LEMD3: variants seen among roughly 807,000 people sequenced by gnomAD.
The protein encoded by LEMD3 is inner nuclear membrane protein Man1.
Under a neutral mutation model 95.2 loss-of-function variants are expected in LEMD3, and 33 were observed. That is an observed-to-expected ratio of 0.35 (90% confidence interval 0.26 to 0.46). LEMD3 has a LOEUF of 0.46. LEMD3 is among the 20% of genes least tolerant of loss of function. LEMD3 has a pLI of 1.00. For missense variants in LEMD3, 1,210 were observed against 1,192.8 expected (o/e 1.01, Z -0.21); for synonymous variants, 525 against 474.6 (o/e 1.11, Z -1.38).
At chr12:65,215,025 GCA>G (rs57757599) in intron 2 of LEMD3, among the ~76,000 whole-genome samples, 254 of 152,254 alleles carry the variant, frequency 1.7e-3, no homozygotes, top group African/African-American at 5.9e-3. Context: ...TATTCCTGAT[GCA>G]CAAGTCTGTT....
chr12:65,211,347 C>A (rs944055674), intron 2 of LEMD3, among the ~76,000 whole-genome samples: 2 of 152,068 alleles, frequency 1.3e-5, no homozygotes, highest in African/African-American at 4.8e-5. Context: ...TCCGTTTTGC[C>A]CTCATTTTAC....
At chr12:65,172,021 A>G (rs928422352) in intron 1 of LEMD3, 7 of 152,190 alleles carry the variant, frequency 4.6e-5, no homozygotes, top group African/African-American at 1.7e-4. Context: ...GTGAGACCTG[A>G]AGCAGAAGGA....
At chr12:65,197,700 G>A (rs183331366) in intron 1 of LEMD3, among the ~76,000 whole-genome samples, 63 of 152,156 alleles carry the variant, frequency 4.1e-4, no homozygotes, top group African/African-American at 1.4e-3. Context: ...GTCAATGACG[G>A]GAACTTCTTT....
At position 65,245,428 on chromosome 12, in the gene LEMD3, C is replaced by T. The variant is rs553505351; in HGVS notation, c.2388-241C>T. 4.1e-4 allele frequency: 187 copies of T among 459,034 alleles called. No homozygotes were observed. The East Asian group carries it at 7.7e-3, about 19-fold the overall frequency. 28.4% of individuals were successfully genotyped at this position (459,034 alleles called of 1,614,324 possible). A position where few individuals can be genotyped will look rare whatever the true frequency, so the allele number is the denominator to read the frequency against. On this transcript the variant is annotated intron_variant, in intron 10 of 12. Transcript: ENST00000308330. Reference sequence around the variant, plus strand: ...TGCTGGGATTACAGGCATGAGCCACCGCGCCTGGCCAGCGCTCTGCACTCT... The same window carrying T: ...TGCTGGGATTACAGGCATGAGCCACTGCGCCTGGCCAGCGCTCTGCACTCT...
chr12:65,173,305 A>G (rs1376087573), intron 1 of LEMD3, among the ~76,000 whole-genome samples: 1 of 152,216 alleles, frequency 6.6e-6, no homozygotes, highest in Non-Finnish European at 1.5e-5. Context: ...TGTTAAGATG[A>G]ATGACTAATG....
chr12:65,189,076 A>G (rs1220372726), intron 1 of LEMD3, among the ~76,000 whole-genome samples: 1 of 152,172 alleles, frequency 6.6e-6, no homozygotes, highest in Non-Finnish European at 1.5e-5. Flanking sequence ...TAATTTATAA[A>G]TTAGGCACAG....
chr12:65,176,982 A>T (rs1416448263), intron 1 of LEMD3, among the ~76,000 whole-genome samples: 2 of 152,222 alleles, frequency 1.3e-5, no homozygotes, highest in Admixed American at 6.5e-5. Flanking sequence ...AAGAAATCTT[A>T]TTTCTGTAGA....
At chr12:65,215,685 A>G (rs1427990761) in intron 2 of LEMD3, among the ~76,000 whole-genome samples, 2 of 152,098 alleles carry the variant, frequency 1.3e-5, no homozygotes, top group Admixed American at 6.5e-5. Context: ...GATTGGGAAC[A>G]TTGCTTTGGT....
chr12:65,244,470 A>G (rs962025803), intron 10 of LEMD3, among the ~76,000 whole-genome samples: 1 of 152,206 alleles, frequency 6.6e-6, no homozygotes, highest in Non-Finnish European at 1.5e-5. Flanking sequence ...CTCTCCTGCC[A>G]TCTTTGTCTC....
intron 4 of LEMD3, among the ~76,000 whole-genome samples, chr12:65,229,633 A>T (rs1330723963): frequency 6.6e-6 from 1 of 152,024 alleles, no homozygotes; most frequent in Non-Finnish European, 1.5e-5. Flanking sequence ...CTGATGATTC[A>T]TATGTTGGGC....
intron 1 of LEMD3, among the ~76,000 whole-genome samples, chr12:65,174,763 G>C (rs926418343): frequency 6.6e-6 from 1 of 152,142 alleles, no homozygotes; most frequent in Admixed American, 6.6e-5. Flanking sequence ...TTGCATATGT[G>C]GAAGATGAAA....
chr12:65,231,371 C>CT (rs1870623599), intron 4 of LEMD3, among the ~76,000 whole-genome samples: 2 of 152,036 alleles, frequency 1.3e-5, no homozygotes, highest in Non-Finnish European at 2.9e-5. Context: ...TTTAATAATG[C>CT]TTATTTTTTC....
At chr12:65,173,611 G>T (rs768283006) in intron 1 of LEMD3, among the ~76,000 whole-genome samples, 1 of 152,134 alleles carries the variant, frequency 6.6e-6, no homozygotes, top group African/African-American at 2.4e-5. Flanking sequence ...GAGACAGTGT[G>T]TTAAACATAA....
chr12:65,209,550 T>A (rs1869870416), intron 1 of LEMD3, among the ~76,000 whole-genome samples: 1 of 152,098 alleles, frequency 6.6e-6, no homozygotes, highest in Admixed American at 6.6e-5. Flanking sequence ...ATCTTTTTAG[T>A]CCATGTGTTC....
intron 1 of LEMD3, among the ~76,000 whole-genome samples, chr12:65,199,450 C>G (rs891692225): frequency 2.0e-5 from 3 of 152,038 alleles, no homozygotes; most frequent in African/African-American, 7.2e-5. Context: ...TATTTTCAGA[C>G]ACATATTTTA....
At position 65,169,836 on chromosome 12, in the gene LEMD3, ACCAGCGGCGGCGGCGGCCGCGGGG is replaced by A. The variant is rs1868454793; in HGVS notation, c.241_264del (p.Pro81_Gly88del). 6.8e-7 allele frequency: 1 copy of A among 1,466,830 alleles called. No homozygotes were observed. Among genetic ancestry groups the A allele is most frequent in the Middle Eastern group, 2.0e-4 (1 of 5,128 alleles). 90.9% of individuals were successfully genotyped at this position (1,466,830 alleles called of 1,614,324 possible). ...CAGCCGCCACGGTCGCAGCCGCGGG[ACCAGCGGCGGCGGCGGCCGCGGGG>A]ATGGGGGTCCGGCCGGTCTCGGGCG... is the stretch of plus-strand genomic sequence containing the variant. On this transcript the variant is annotated inframe_deletion, in exon 1 of 13. Transcript: ENST00000308330.
chr12:65,217,177 C>T (rs1870136079), intron 3 of LEMD3, among the ~76,000 whole-genome samples: 1 of 152,090 alleles, frequency 6.6e-6, no homozygotes. Flanking sequence ...TGTGAAGGGT[C>T]AGATAGTGGA....
chr12:65,245,748 A>G lies in LEMD3; in HGVS notation c.2467A>G (p.Ile823Val). ...CAGTGATAATGATGGCATTGTTCAC[A>G]TTGCAGTAGACAAAAATTCACGTGA... is the stretch of plus-strand genomic sequence containing the variant. ...KCSDNDGIVHIAVDKNSREGC... is the reference protein window; with the variant it reads ...KCSDNDGIVHVAVDKNSREGC... The change falls in exon 11 of 13, where the codon ATT (isoleucine) becomes GTT (valine). Residue 823 changes from isoleucine (I) to valine (V), a missense_variant. Ile to Val is a conservative substitution (Grantham distance 29, BLOSUM62 3). Coordinates refer to ENST00000308330, the MANE Select transcript of LEMD3 (RefSeq NM_014319.5). 6.2e-7 allele frequency: 1 copy of G among 1,613,860 alleles called. No individual in the cohort carries two copies. The highest frequency in any genetic ancestry group is 1.1e-5 in the South Asian group (1 of 91,082).
chr12:65,171,385 T>G (rs1868546637), intron 1 of LEMD3: 1 of 458,424 alleles, frequency 2.2e-6, no homozygotes, highest in Non-Finnish European at 3.9e-6. Context: ...TTAGTAAAAC[T>G]CATTTGTATA....
Sources: allele counts gnomAD v4.1 joint callset (sites outside exome capture counted in the v4.1 genomes callset), GRCh38; gene constraint gnomAD v4.1.1; transcripts MANE v1.5; gene names NCBI Gene and HGNC (gene_info 2026-07-23, HGNC 2026-07-21).